Variants in PDE11A observed in about 807,000 individuals in gnomAD.
PDE11A encodes the protein phosphodiesterase 11A.
A neutral mutation model predicts 100.5 loss-of-function variants in PDE11A; 100 were observed. The observed-to-expected ratio is 1.00, with a 90% CI of 0.85 to 1.18. The LOEUF (loss-of-function observed/expected upper bound fraction) is 1.18, where lower values mean the gene tolerates loss of function less well. Ranked by LOEUF, PDE11A falls within the 50% of genes most tolerant of loss-of-function variation. The pLI is 0.00. For synonymous variants in PDE11A, 381 were observed against 420.8 expected (o/e 0.91, Z 1.16); for missense variants, 1,141 against 1,152.6 (o/e 0.99, Z 0.15).
At chr2:177,904,237 T>C (rs1290322310) in intron 3 of PDE11A, among the ~76,000 whole-genome samples, 1 of 152,214 alleles carries the variant, frequency 6.6e-6, no homozygotes, top group East Asian at 1.9e-4. Flanking sequence ...GCAACTTAGA[T>C]CTATAGCTCC....
At position 177,669,483 on chromosome 2, in the gene PDE11A, A is replaced by T; in HGVS notation, c.2562+10T>A. On this transcript the variant is annotated intron_variant, in intron 18 of 19. Coordinates refer to ENST00000286063, the MANE Select transcript of PDE11A (RefSeq NM_016953.4). ...AGGGTAAATACGTTATAATTAAAGG[A>T]TGAACTCACTGAAGGAGTGAGTTTG... is the stretch of plus-strand genomic sequence containing the variant. 9.5e-7 allele frequency: 1 copy of T among 1,057,528 alleles called. No homozygotes were observed. Among genetic ancestry groups the T allele is most frequent in the Non-Finnish European group, 1.5e-6 (1 of 671,964 alleles). The allele number at this position is 1,057,528 out of a possible 1,614,324, so 65.5% of individuals were successfully genotyped here. A position where few individuals can be genotyped will look rare whatever the true frequency, so the allele number is the denominator to read the frequency against.
intron 4 of PDE11A, among the ~76,000 whole-genome samples, chr2:177,882,216 C>G (rs2084354711): frequency 2.0e-5 from 3 of 152,098 alleles, no homozygotes; most frequent in Admixed American, 2.0e-4. Flanking sequence ...TTGGCTGCTC[C>G]TCAAAGCATC....
intron 16 of PDE11A, among the ~76,000 whole-genome samples, chr2:177,677,478 C>T (rs80269322): frequency 0.011 from 1,633 of 152,174 alleles, 31 homozygotes; most frequent in African/African-American, 0.037. Context: ...AGAGGTAGGA[C>T]GGGTAGAGTG....
intron 12 of PDE11A, among the ~76,000 whole-genome samples, chr2:177,712,337 C>A (rs1471510263): frequency 2.5e-5 from 3 of 121,264 alleles, no homozygotes; most frequent in South Asian, 5.6e-4. Context: ...GAGAACACAA[C>A]CCTTCTTTTT....
intron 6 of PDE11A, among the ~76,000 whole-genome samples, chr2:177,823,273 C>T (rs958639269): frequency 6.6e-6 from 1 of 152,108 alleles, no homozygotes; most frequent in African/African-American, 2.4e-5. Flanking sequence ...GAGCTACTCA[C>T]AGTCTAGGAA....
intron 19 of PDE11A, 60 bp from the exon 20 acceptor site, chr2:177,629,622 A>AT (rs2079887749): frequency 7.1e-6 from 11 of 1,545,942 alleles, no homozygotes; most frequent in Non-Finnish European, 9.8e-6. Context: ...AACTGACATG[A>AT]TTTTCCACCT....
At chr2:178,015,625 A>G (rs1380646504) in intron 1 of PDE11A, among the ~76,000 whole-genome samples, 1 of 152,144 alleles carries the variant, frequency 6.6e-6, no homozygotes, top group East Asian at 1.9e-4. Context: ...TTTCTTAAGT[A>G]TGATACTGGT....
At chr2:178,014,663 G>A (rs2086313068) in intron 1 of PDE11A, among the ~76,000 whole-genome samples, 2 of 152,150 alleles carry the variant, frequency 1.3e-5, no homozygotes. Context: ...GTTTGCCATA[G>A]TAAATGAAGA....
At chr2:177,666,962 G>C (rs2080597934) in intron 18 of PDE11A, among the ~76,000 whole-genome samples, 1 of 115,032 alleles carries the variant, frequency 8.7e-6, no homozygotes, top group African/African-American at 2.9e-5. Flanking sequence ...CTGTCACCTG[G>C]GCTGGAGTGC....
At chr2:177,899,599 AT>A in intron 3 of PDE11A, 1 of 301,580 alleles carries the variant, frequency 3.3e-6, no homozygotes, top group South Asian at 3.4e-5. Context: ...CTCTGAAAGA[AT>A]TAGAGAGGTG....
intron 9 of PDE11A, among the ~76,000 whole-genome samples, chr2:177,781,316 T>C (rs1042698034): frequency 1.3e-5 from 2 of 152,162 alleles, no homozygotes; most frequent in Non-Finnish European, 2.9e-5. Flanking sequence ...AATAGTAACA[T>C]TAAAAATCAC....
At chr2:177,736,759 TA>T (rs2081790452) in intron 10 of PDE11A, among the ~76,000 whole-genome samples, 3 of 152,158 alleles carry the variant, frequency 2.0e-5, no homozygotes, top group African/African-American at 7.2e-5. Context: ...GTCCCATGTT[TA>T]AGTTGAAACC....
chr2:178,070,511 T>C (rs1423986015), intron 1 of PDE11A, among the ~76,000 whole-genome samples: 1 of 152,192 alleles, frequency 6.6e-6, no homozygotes, highest in African/African-American at 2.4e-5. Context: ...ACTATAAAAC[T>C]TTCCTAACCA....
chr2:177,783,174 C>T (rs963197533), intron 9 of PDE11A, among the ~76,000 whole-genome samples: 1 of 152,206 alleles, frequency 6.6e-6, no homozygotes, highest in Non-Finnish European at 1.5e-5. Flanking sequence ...TCATTTCCCA[C>T]ATCCTCTGAT....
intron 5 of PDE11A, among the ~76,000 whole-genome samples, chr2:177,874,727 T>G (rs1478866035): frequency 6.6e-6 from 1 of 152,174 alleles, no homozygotes; most frequent in African/African-American, 2.4e-5. Flanking sequence ...AAGTAAAAAA[T>G]TAGGCTGTCT....
At chr2:178,040,232 T>G (rs1391922062) in intron 1 of PDE11A, among the ~76,000 whole-genome samples, 1 of 152,064 alleles carries the variant, frequency 6.6e-6, no homozygotes, top group Non-Finnish European at 1.5e-5. Context: ...ACCTGGCTAA[T>G]TTTTGCATTT....
chr2:177,768,065 T>C (rs1370655), intron 10 of PDE11A, among the ~76,000 whole-genome samples: 13,358 of 152,268 alleles, frequency 0.088, 627 homozygotes, highest in Middle Eastern at 0.16. Flanking sequence ...CATCTCTCTA[T>C]GTCAATAATA....
Position 177,816,837 on chromosome 2 carries a change from C to A in PDE11A, c.1729G>T (p.Ala577Ser). ...VKKSWAKQSV[A>S]LDVLSYHATC... ...ATAAACACTGTACTTACATCAAGAG[C>A]CACAGACTGCTTGGCCCAGGACTTC... Residue 577 changes from alanine (A) to serine (S), a missense_variant, in exon 9 of 20, where the codon GCT becomes TCT. Physicochemically the swap from Ala to Ser is moderately conservative, Grantham distance 99. Coordinates refer to ENST00000286063, the MANE Select transcript of PDE11A (RefSeq NM_016953.4). The A allele has an allele frequency of 6.3e-7, 1 of 1,578,542 alleles. No homozygotes were observed. Among genetic ancestry groups the A allele is most frequent in the Non-Finnish European group, 8.7e-7 (1 of 1,147,614 alleles).
intron 17 of PDE11A, among the ~76,000 whole-genome samples, chr2:177,674,329 G>A (rs1221205248): frequency 6.6e-6 from 1 of 152,168 alleles, no homozygotes; most frequent in Non-Finnish European, 1.5e-5. Flanking sequence ...TCATAGTTCT[G>A]GAGGCCGGGA....
Sources: allele counts gnomAD v4.1 joint callset (sites outside exome capture counted in the v4.1 genomes callset), GRCh38; gene constraint gnomAD v4.1.1; transcripts MANE v1.5; gene names NCBI Gene and HGNC (gene_info 2026-07-23, HGNC 2026-07-21).